The following GPR39 variants were observed in gnomAD, a reference collection of about 807,000 sequenced individuals.
GPR39 encodes G protein-coupled receptor 39, also known as zinc sensing receptor.
Under a neutral mutation model 18.4 loss-of-function variants are expected in GPR39, and 23 were observed. The ratio of observed to expected loss-of-function variants is 1.25; its 90% CI spans 0.90 to 1.77. The LOEUF (loss-of-function observed/expected upper bound fraction) is 1.77, where lower values mean the gene tolerates loss of function less well. GPR39 is among the 40% of genes most tolerant of loss of function. GPR39 has a pLI of 0.00. For synonymous variants in GPR39, 280 were observed against 257.9 expected (o/e 1.09, Z -0.82); for missense variants, 647 against 602.4 (o/e 1.07, Z -0.78).
chr2:132,463,328 A>AG (rs1298770199), intron 1 of GPR39, among the ~76,000 whole-genome samples: 4 of 149,398 alleles, frequency 2.7e-5, no homozygotes, highest in Non-Finnish European at 4.4e-5. Flanking sequence ...CTGGTATTAC[A>AG]GGGGTGGTGT....
chr2:132,603,702 T>A (rs1203540035), intron 1 of GPR39, among the ~76,000 whole-genome samples: 1 of 152,112 alleles, frequency 6.6e-6, no homozygotes, highest in Non-Finnish European at 1.5e-5. Flanking sequence ...GGGTGTACAT[T>A]TGTGGGCGTG....
chr2:132,476,330 T>C (rs937909249), intron 1 of GPR39, among the ~76,000 whole-genome samples: 16 of 152,108 alleles, frequency 1.1e-4, no homozygotes, highest in Non-Finnish European at 1.5e-5. Context: ...TATTTCTTCA[T>C]GTATATTGAA....
chr2:132,427,456 T>C (rs4289243), intron 1 of GPR39, among the ~76,000 whole-genome samples: 1,618 of 150,862 alleles, frequency 0.011, 32 homozygotes, highest in African/African-American at 0.034. Context: ...CCACTGCGCC[T>C]GGCCTGACTT....
At chr2:132,549,136 A>C (rs1237637004) in intron 1 of GPR39, among the ~76,000 whole-genome samples, 2 of 152,210 alleles carry the variant, frequency 1.3e-5, no homozygotes, top group East Asian at 3.9e-4. Flanking sequence ...TCTCATAGGC[A>C]GGAGCAGAGC....
intron 1 of GPR39, among the ~76,000 whole-genome samples, chr2:132,437,089 G>A (rs1231656213): frequency 1.3e-5 from 2 of 152,126 alleles, no homozygotes. Context: ...ACCCAGGCAG[G>A]TTGGCTACAG....
intron 1 of GPR39, among the ~76,000 whole-genome samples, chr2:132,516,774 T>C (rs1262585231): frequency 6.6e-6 from 1 of 152,058 alleles, no homozygotes; most frequent in African/African-American, 2.4e-5. Flanking sequence ...TTAACACTCA[T>C]TGGGATACCT....
chr2:132,634,766 C>T (rs1028660195), intron 1 of GPR39, among the ~76,000 whole-genome samples: 4 of 152,224 alleles, frequency 2.6e-5, no homozygotes, highest in Non-Finnish European at 4.4e-5. Context: ...GGGCCCCCCT[C>T]AGGTGAATTA....
At chr2:132,474,251 C>T (rs1197709346) in intron 1 of GPR39, among the ~76,000 whole-genome samples, 2 of 152,222 alleles carry the variant, frequency 1.3e-5, no homozygotes, top group Admixed American at 6.5e-5. Context: ...TATCTCTGCA[C>T]TGGTGTTACA....
chr2:132,459,737 C>T (rs1241293155), intron 1 of GPR39, among the ~76,000 whole-genome samples: 2 of 152,190 alleles, frequency 1.3e-5, no homozygotes, highest in Admixed American at 6.5e-5. Context: ...TTGACACATA[C>T]TCAGTCACGA....
intron 1 of GPR39, among the ~76,000 whole-genome samples, chr2:132,429,241 A>G (rs1424284272): frequency 6.6e-6 from 1 of 152,224 alleles, no homozygotes; most frequent in Non-Finnish European, 1.5e-5. Flanking sequence ...CACGTTCTTT[A>G]CATGAGCAGA....
intron 1 of GPR39, among the ~76,000 whole-genome samples, chr2:132,541,020 C>G (rs3109129): frequency 0.23 from 35,163 of 151,792 alleles, 4,485 homozygotes; most frequent in African/African-American, 0.34. Context: ...TCTCATCTTG[C>G]CCAGGTTCCC....
At chr2:132,552,796 A>ATGTGTGTG (rs59345614) in intron 1 of GPR39, among the ~76,000 whole-genome samples, 1 of 144,904 alleles carries the variant, frequency 6.9e-6, no homozygotes, top group African/African-American at 2.6e-5. Context: ...ATGTGTATAT[A>ATGTGTGTG]TGTGTGTGTG....
At chr2:132,475,836 C>A (rs1573620325) in intron 1 of GPR39, among the ~76,000 whole-genome samples, 1 of 152,268 alleles carries the variant, frequency 6.6e-6, no homozygotes. Context: ...TTTCTTTTTG[C>A]AAGACCTCAA....
intron 1 of GPR39, among the ~76,000 whole-genome samples, chr2:132,511,277 G>A (rs963972100): frequency 6.6e-6 from 1 of 152,038 alleles, no homozygotes; most frequent in Non-Finnish European, 1.5e-5. Context: ...AACAAATCAA[G>A]TTTTTCTAAC....
chr2:132,542,215 G>A lies in GPR39; in HGVS notation c.857-102886G>A, dbSNP rs552587859. Among the ~76,000 whole-genome samples, 7 of 152,182 alleles carry A rather than the reference G, an allele frequency of 4.6e-5. 1 individual carries two copies. Among genetic ancestry groups the A allele is most frequent in the African/African-American group, 1.7e-4 (7 of 41,518 alleles). On this transcript the variant is annotated intron_variant, in intron 1 of 1. Coordinates refer to ENST00000329321, the MANE Select transcript of GPR39 (RefSeq NM_001508.3). ...ATGCAAAGCACCAAAAATAGGGCCT[G>A]GAATATAGAAAACACTCAGTAAATG...
intron 1 of GPR39, among the ~76,000 whole-genome samples, chr2:132,640,514 A>G (rs1681839520): frequency 6.6e-6 from 1 of 152,228 alleles, no homozygotes; most frequent in Admixed American, 6.5e-5. Flanking sequence ...TAATTCAGTT[A>G]AAACAGTTTA....
At chr2:132,481,425 G>A (rs568020821) in intron 1 of GPR39, among the ~76,000 whole-genome samples, 9 of 152,318 alleles carry the variant, frequency 5.9e-5, no homozygotes, top group African/African-American at 1.9e-4. Context: ...TGAGTATTGA[G>A]AAGTGTCTTT....
chr2:132,580,687 G>A (rs1408161734), intron 1 of GPR39, among the ~76,000 whole-genome samples: 1 of 152,072 alleles, frequency 6.6e-6, no homozygotes, highest in African/African-American at 2.4e-5. Context: ...CTACAGGCTG[G>A]GCATGGTGGC....
At chr2:132,623,412 G>A (rs749876417) in intron 1 of GPR39, among the ~76,000 whole-genome samples, 1 of 152,216 alleles carries the variant, frequency 6.6e-6, no homozygotes. Flanking sequence ...AGGAGAGAGG[G>A]ACAGTAAAGA....
Sources: allele counts gnomAD v4.1 joint callset (sites outside exome capture counted in the v4.1 genomes callset), GRCh38; gene constraint gnomAD v4.1.1; transcripts MANE v1.5; gene names NCBI Gene and HGNC (gene_info 2026-07-23, HGNC 2026-07-21).